The following SERPIND1 variants were observed in gnomAD, a reference collection of about 807,000 sequenced individuals.
SERPIND1 encodes the protein serpin family D member 1.
SERPIND1 carries 34 observed loss-of-function variants against 35.0 expected under a neutral mutation model. The ratio of observed to expected loss-of-function variants is 0.97; its 90% CI spans 0.74 to 1.29. The LOEUF is 1.29. Among genes scored for constraint, SERPIND1 ranks in the 50% most tolerant of loss-of-function variants. The probability of loss-of-function intolerance (pLI) is 0.00; values close to 1 mark genes in which losing one functional copy is unlikely to be tolerated. For missense variants in SERPIND1, 633 were observed against 637.7 expected, an observed-to-expected ratio of 0.99 and a Z score of 0.08; for synonymous variants, 236 against 241.1, an observed-to-expected ratio of 0.98 and a Z score of 0.19.
At chr22:20,774,485 G>A (rs760864616) in intron 1 of SERPIND1, among the ~76,000 whole-genome samples, 7 of 152,306 alleles carry the variant, frequency 4.6e-5, no homozygotes, top group South Asian at 2.1e-4. Flanking sequence ...TAGAGGGGCC[G>A]GGTGCAGTGG....
chr22:20,784,036 A>G lies in SERPIND1; in HGVS notation c.954A>G (p.Arg318=), dbSNP rs897450855. The change falls in exon 3 of 5, where the codon AGA becomes AGG. Residue 318 remains arginine (R), a synonymous_variant. Transcript: ENST00000215727. ...THNHNFRLNE[R]EVVKVSMMQT... ...ACCACAACTTCCGGCTGAATGAGAG[A>G]GAGGTAGTTAAGGTTTCCATGATGC... is the stretch of plus-strand genomic sequence containing the variant. 3.7e-6 allele frequency: 6 copies of G among 1,614,010 alleles called. No homozygotes were observed. The African/African-American group carries it at 4.0e-5, about 11-fold the overall frequency.
At chr22:20,776,393 G>T (rs1266972861) in intron 1 of SERPIND1, among the ~76,000 whole-genome samples, 1 of 152,198 alleles carries the variant, frequency 6.6e-6, no homozygotes, top group East Asian at 1.9e-4. Flanking sequence ...TGGCACTGCA[G>T]CCTGAGGCAG....
intron 2 of SERPIND1, 62 bp from the exon 3 acceptor site, chr22:20,783,910 A>T: frequency 6.2e-7 from 1 of 1,606,272 alleles, no homozygotes; most frequent in Admixed American, 1.7e-5. Flanking sequence ...TTCACTCTCA[A>T]GGGTGAGACG....
chr22:20,785,372 A>G (rs575815576), intron 3 of SERPIND1, among the ~76,000 whole-genome samples: 1 of 152,292 alleles, frequency 6.6e-6, no homozygotes, highest in African/African-American at 2.4e-5. Context: ...TGCCTGGCCC[A>G]TTTGACTTTT....
rs543708648 is a variant in SERPIND1 at position 20,774,114 on chromosome 22, T to G, written c.-48T>G. The G allele has an allele frequency of 1.2e-4, 19 of 152,222 alleles. No individual in the cohort carries two copies. The highest frequency in any genetic ancestry group is 1.9e-4 in the Non-Finnish European group (13 of 68,042). 9.4% of individuals were successfully genotyped at this position (152,222 alleles called of 1,614,324 possible). A position where few individuals can be genotyped will look rare whatever the true frequency, so the allele number is the denominator to read the frequency against. ...CCACTGATGACCTTGGCTGCTTTCA[T>G]CTCTGAAGCGCCACTTCTCAGAAAC... On this transcript the variant is annotated 5_prime_UTR_variant, in exon 1 of 5. Transcript: ENST00000215727.
chr22:20,786,478 A>G (rs984365397), intron 4 of SERPIND1, among the ~76,000 whole-genome samples: 13 of 152,324 alleles, frequency 8.5e-5, no homozygotes, highest in Middle Eastern at 3.4e-3. Context: ...GAGCCATTAA[A>G]CACCGCACTA....
chr22:20,779,842 T>C lies in SERPIND1; in HGVS notation c.530T>C (p.Val177Ala), dbSNP rs766642215. ...CTGAAGGGAGAGACCCATGAACAAG[T>C]GCACTCGATTTTGCATTTTAAAGAC... ...LGLKGETHEQVHSILHFKDFV... is the reference protein window; with the variant it reads ...LGLKGETHEQAHSILHFKDFV... The change falls in exon 2 of 5, where the codon GTG becomes GCG. Residue 177 changes from valine (V) to alanine (A), a missense_variant. Physicochemically the swap from Val to Ala is moderately conservative, Grantham distance 64 (BLOSUM62 0). Transcript: ENST00000215727. The C allele has an allele frequency of 6.2e-7, 1 of 1,614,236 alleles. No individual in the cohort carries two copies. The highest frequency in any genetic ancestry group is 1.1e-5 in the South Asian group (1 of 91,092).
chr22:20,787,178 C>A lies in SERPIND1; in HGVS notation c.*112C>A. On this transcript the variant is annotated 3_prime_UTR_variant, in exon 5 of 5. Coordinates refer to ENST00000215727, the MANE Select transcript of SERPIND1 (RefSeq NM_000185.4). ...CATTTACGTAGTTTACGCTACCAAT[C>A]TGAATTCGAGGCCCATATGAGAGGA... is the stretch of plus-strand genomic sequence containing the variant. 1.0e-6 allele frequency: 1 copy of A among 1,003,238 alleles called. No individual in the cohort carries two copies. Among genetic ancestry groups the A allele is most frequent in the Non-Finnish European group, 1.5e-6 (1 of 647,956 alleles). 62.1% of individuals were successfully genotyped at this position (1,003,238 alleles called of 1,614,324 possible).
At position 20,787,347 on chromosome 22, in the gene SERPIND1, G is replaced by A. The variant is rs1934330172; in HGVS notation, c.*281G>A. On this transcript the variant is annotated 3_prime_UTR_variant, in exon 5 of 5. Transcript: ENST00000215727. ...CCTCCCCACTCTTCACAGCAAACCT[G>A]AGCAGCGCGTCCTAAGCACCTCCCG... 1 of 465,000 alleles carries A rather than the reference G, an allele frequency of 2.2e-6. No individual in the cohort carries two copies. Among genetic ancestry groups the A allele is most frequent in the Non-Finnish European group, 4.0e-6 (1 of 251,790 alleles). The allele number at this position is 465,000 out of a possible 1,614,324, so 28.8% of individuals were successfully genotyped here.
At position 20,786,057 on chromosome 22, in the gene SERPIND1, T is replaced by C. The variant is rs777065095; in HGVS notation, c.1217T>C (p.Val406Ala). 6.2e-7 allele frequency: 1 copy of C among 1,614,146 alleles called. No individual in the cohort carries two copies. The highest frequency in any genetic ancestry group is 8.5e-7 in the Non-Finnish European group (1 of 1,180,028). Residue 406 changes from valine (V) to alanine (A), a missense_variant, in exon 4 of 5, where the codon GTG becomes GCG. Physicochemically the swap from Val to Ala is moderately conservative, Grantham distance 64. Coordinates refer to ENST00000215727, the MANE Select transcript of SERPIND1 (RefSeq NM_000185.4). ...AAGCTGGAGAAGAACTACAATCTAG[T>C]GGAGTCCCTGAAGTTGATGGGGATC... ...KFKLEKNYNL[V>A]ESLKLMGIRM...
At position 20,785,539 on chromosome 22, in the gene SERPIND1, T is replaced by G. The variant is rs1934149928; in HGVS notation, c.1164-465T>G. ...GGCACTACTGTTGCTATCCGCCCCCTTAGGGATTGAGTAAGTTGAGGCAAA... is the reference window on the plus strand; with the variant it reads ...GGCACTACTGTTGCTATCCGCCCCCGTAGGGATTGAGTAAGTTGAGGCAAA... On this transcript the variant is annotated intron_variant, in intron 3 of 4. Transcript: ENST00000215727. 5.9e-5 allele frequency among the ~76,000 whole-genome samples: 9 copies of G among 152,282 alleles called. No individual in the cohort carries two copies. In the South Asian group the frequency reaches 1.9e-3, roughly 32 times the overall value.
chr22:20,785,889 A>C (rs1354174537), intron 3 of SERPIND1, 115 bp from the exon 4 acceptor site: 1 of 1,392,738 alleles, frequency 7.2e-7, no homozygotes, highest in Non-Finnish European at 1.0e-6. Context: ...AATTTTAATA[A>C]GTGCTATATC....
At chr22:20,781,972 C>T (rs572379659) in intron 2 of SERPIND1, among the ~76,000 whole-genome samples, 9 of 152,196 alleles carry the variant, frequency 5.9e-5, no homozygotes, top group African/African-American at 1.9e-4. Context: ...AAGAGCTCAG[C>T]GAATTTGAGG....
Position 20,779,560 on chromosome 22 carries a change from A to C in SERPIND1, c.248A>C (p.Glu83Ala), listed in dbSNP as rs923085562. The C allele has an allele frequency of 1.2e-6, 2 of 1,614,056 alleles. No individual in the cohort carries two copies. Among genetic ancestry groups the C allele is most frequent in the African/African-American group, 2.7e-5 (2 of 74,942 alleles). Residue 83 changes from glutamate (E) to alanine (A), a missense_variant, in exon 2 of 5, where the codon GAG (glutamate) becomes GCG (alanine). Glu to Ala is a moderately radical substitution (Grantham distance 107). Transcript: ENST00000215727. Reference sequence around the variant, plus strand: ...GAGGACGACGACTATCTGGACCTGGAGAAGATATTCAGTGAAGACGACGAC... The same window carrying C: ...GAGGACGACGACTATCTGGACCTGGCGAAGATATTCAGTGAAGACGACGAC... Reference protein sequence around the residue: ...GEEDDDYLDLEKIFSEDDDYI... With the variant: ...GEEDDDYLDLAKIFSEDDDYI...
At chr22:20,780,326 ACT>A in intron 2 of SERPIND1, 125 bp downstream of exon 2, 1 of 1,456,858 alleles carries the variant, frequency 6.9e-7, no homozygotes, top group South Asian at 1.1e-5. Flanking sequence ...CACAAGATTG[ACT>A]CTGGAACGGG....
chr22:20,777,796 A>G (rs1933422702), intron 1 of SERPIND1, among the ~76,000 whole-genome samples: 1 of 152,220 alleles, frequency 6.6e-6, no homozygotes, highest in Non-Finnish European at 1.5e-5. Context: ...ACCAGGAAGT[A>G]AGCAAGAGAA....
chr22:20,776,064 G>GT (rs1933246687), intron 1 of SERPIND1, among the ~76,000 whole-genome samples: 1 of 152,184 alleles, frequency 6.6e-6, no homozygotes, highest in Middle Eastern at 3.2e-3. Flanking sequence ...ACTCATACCT[G>GT]TAATTCCAGC....
Position 20,779,884 on chromosome 22 carries a change from G to C in SERPIND1, c.572G>C (p.Ser191Thr). 1 of 1,614,254 alleles carries C rather than the reference G, an allele frequency of 6.2e-7. No individual in the cohort carries two copies. Residue 191 changes from serine (S) to threonine (T), a missense_variant, in exon 2 of 5, where the codon AGC becomes ACC. Ser to Thr is a moderately conservative substitution (Grantham distance 58, BLOSUM62 1). Coordinates refer to ENST00000215727, the MANE Select transcript of SERPIND1 (RefSeq NM_000185.4). ...TTTAAAGACTTTGTTAATGCCAGCA[G>C]CAAGTATGAAATCACGACCATTCAT... The part of the protein sequence containing the change: ...LHFKDFVNAS[S>T]KYEITTIHNL...
chr22:20,786,810 G>A lies in SERPIND1; in HGVS notation c.1309-65G>A. 2.7e-6 allele frequency: 4 copies of A among 1,461,868 alleles called. No homozygotes were observed. The Admixed American group carries it at 6.7e-5, about 24-fold the overall frequency. The allele number at this position is 1,461,868 out of a possible 1,614,324, so 90.6% of individuals were successfully genotyped here. A position where few individuals can be genotyped will look rare whatever the true frequency, so the allele number is the denominator to read the frequency against. ...TCCTTTCCCTGAATGATATGAGATT[G>A]TGCTGGGAACTCTAGCCCTCTGTGT... On this transcript the variant is annotated intron_variant, in intron 4 of 4. Transcript: ENST00000215727.
Sources: allele counts gnomAD v4.1 joint callset (sites outside exome capture counted in the v4.1 genomes callset), GRCh38; gene constraint gnomAD v4.1.1; transcripts MANE v1.5; gene names NCBI Gene and HGNC (gene_info 2026-07-23, HGNC 2026-07-21).